Variants in RGS8 observed in about 807,000 individuals in gnomAD.
RGS8 encodes regulator of G-protein signaling 8.
A neutral mutation model predicts 21.7 loss-of-function variants in RGS8; 8 were observed. The observed-to-expected ratio is 0.37, with a 90% CI of 0.22 to 0.66. The LOEUF (loss-of-function observed/expected upper bound fraction) is 0.66. Ranked by LOEUF, RGS8 falls within the 30% of genes least tolerant of loss-of-function variation. RGS8 has a pLI of 0.59. For missense variants in RGS8, 157 were observed against 217.9 expected (o/e 0.72, Z 1.76); for synonymous variants, 80 against 83.6 (o/e 0.96, Z 0.24).
intron 5 of RGS8, among the ~76,000 whole-genome samples, chr1:182,655,546 G>A (rs2102417052): frequency 6.6e-6 from 1 of 152,290 alleles, no homozygotes; most frequent in Non-Finnish European, 1.5e-5. Flanking sequence ...CTCATTACCT[G>A]GCAGCCTGCT....
the RGS8 span, among the ~76,000 whole-genome samples, chr1:182,747,724 G>T: frequency 2.0e-5 from 3 of 152,070 alleles, no homozygotes; most frequent in African/African-American, 4.8e-5. Flanking sequence ...GTTAGTCCAG[G>T]CTTGGCCAGG....
chr1:182,738,938 C>T, the RGS8 span, among the ~76,000 whole-genome samples: 1 of 152,158 alleles, frequency 6.6e-6, no homozygotes, highest in Non-Finnish European at 1.5e-5. Flanking sequence ...TTGAAAGATG[C>T]GGAAGCTAGA....
intron 3 of RGS8, among the ~76,000 whole-genome samples, chr1:182,668,782 A>G (rs1168748810): frequency 2.0e-5 from 3 of 152,092 alleles, no homozygotes; most frequent in African/African-American, 7.2e-5. Flanking sequence ...TTATGTGTCT[A>G]CTCGCGCTTG....
chr1:182,715,249 G>T, the RGS8 span, among the ~76,000 whole-genome samples: 1 of 152,202 alleles, frequency 6.6e-6, no homozygotes, highest in South Asian at 2.1e-4. Context: ...TTTATACCCT[G>T]TCTTTCCTAG....
chr1:182,689,080 A>T (rs1486089877), upstream of RGS8, among the ~76,000 whole-genome samples: 1 of 152,182 alleles, frequency 6.6e-6, no homozygotes, highest in Non-Finnish European at 1.5e-5. Flanking sequence ...TGGTTGTAGT[A>T]AGGACATGTC....
the RGS8 span, among the ~76,000 whole-genome samples, chr1:182,740,956 T>A: frequency 6.6e-6 from 1 of 151,958 alleles, no homozygotes; most frequent in Non-Finnish European, 1.5e-5. Flanking sequence ...GTCTACCTCT[T>A]TCTACACAGA....
At chr1:182,664,366 G>T (rs988015344) in intron 5 of RGS8, among the ~76,000 whole-genome samples, 3 of 152,046 alleles carry the variant, frequency 2.0e-5, no homozygotes, top group Non-Finnish European at 4.4e-5. Flanking sequence ...AACGAAAGGT[G>T]TCCTCTTATT....
the RGS8 span, among the ~76,000 whole-genome samples, chr1:182,705,517 A>T: frequency 6.6e-6 from 1 of 152,352 alleles, no homozygotes; most frequent in East Asian, 1.9e-4. Context: ...GTTGAAGCGT[A>T]AAAAGAATCC....
intron 5 of RGS8, among the ~76,000 whole-genome samples, chr1:182,660,520 T>C (rs1282070760): frequency 1.3e-5 from 2 of 151,916 alleles, no homozygotes; most frequent in African/African-American, 4.8e-5. Flanking sequence ...CTAGCTCTTA[T>C]CCTGAATATA....
intron 5 of RGS8, among the ~76,000 whole-genome samples, chr1:182,652,133 G>A (rs1663051672): frequency 1.3e-5 from 2 of 152,358 alleles, no homozygotes; most frequent in South Asian, 4.1e-4. Context: ...AGAAGAGCCT[G>A]TTGTTGGTTT....
chr1:182,679,497 T>C (rs1664472502), intron 1 of RGS8, among the ~76,000 whole-genome samples: 1 of 152,112 alleles, frequency 6.6e-6, no homozygotes, highest in South Asian at 2.1e-4. Context: ...TAAACACTGG[T>C]ATTTTCCTTC....
At chr1:182,677,711 C>A (rs1014316445), upstream of RGS8, among the ~76,000 whole-genome samples, 3 of 152,178 alleles carry the variant, frequency 2.0e-5, no homozygotes, top group African/African-American at 7.2e-5. Flanking sequence ...CAGGGTTTTC[C>A]TCTTGCCAGC....
At chr1:182,672,901 C>G, upstream of RGS8, 1 of 1,584,678 alleles carries the variant, frequency 6.3e-7, no homozygotes, top group Non-Finnish European at 8.7e-7. Flanking sequence ...GTTCTCCAAG[C>G]GTGGTCCCTG....
At chr1:182,664,100 T>G (rs1047704033) in intron 5 of RGS8, among the ~76,000 whole-genome samples, 55 of 152,156 alleles carry the variant, frequency 3.6e-4, no homozygotes, top group African/African-American at 1.3e-3. Flanking sequence ...ACAAATAAAA[T>G]TAAACCTCTT....
chr1:182,674,771 G>C (rs1229704607), upstream of RGS8, among the ~76,000 whole-genome samples: 1 of 152,206 alleles, frequency 6.6e-6, no homozygotes, highest in Non-Finnish European at 1.5e-5. Flanking sequence ...CAGGAATGTA[G>C]AGCTCTGGGT....
At chr1:182,705,195 C>T in the RGS8 span, among the ~76,000 whole-genome samples, 1 of 152,152 alleles carries the variant, frequency 6.6e-6, no homozygotes, top group African/African-American at 2.4e-5. Flanking sequence ...TGTCTGGAAG[C>T]AGGAGGTGCA....
chr1:182,744,820 GT>G, the RGS8 span, among the ~76,000 whole-genome samples: 1 of 152,138 alleles, frequency 6.6e-6, no homozygotes, highest in Non-Finnish European at 1.5e-5. Context: ...TATTTACAGT[GT>G]TGTCCAAACA....
chr1:182,650,436 A>G (rs1662951671), intron 5 of RGS8, among the ~76,000 whole-genome samples: 1 of 152,272 alleles, frequency 6.6e-6, no homozygotes, highest in Non-Finnish European at 1.5e-5. Context: ...ATACTAGAAC[A>G]GTATCAAAAA....
At chr1:182,747,043 C>CTTT in the RGS8 span, among the ~76,000 whole-genome samples, 2 of 21,048 alleles carry the variant, frequency 9.5e-5, 1 homozygote, top group African/African-American at 2.8e-4. Context: ...CACTGCTGGT[C>CTTT]TTTTTTTTTT....
Sources: gnomAD v4.1 joint callset for allele counts (sites outside exome capture counted in the v4.1 genomes callset) on GRCh38, gnomAD v4.1.1 for gene constraint, MANE v1.5 for transcripts, NCBI Gene and HGNC (gene_info 2026-07-23, HGNC 2026-07-21) for gene names.